YPEL2: variants seen among roughly 807,000 people sequenced by gnomAD.
The protein encoded by YPEL2 is protein yippee-like 2.
YPEL2 carries 2 observed loss-of-function variants against 19.1 expected under a neutral mutation model. The ratio of observed to expected loss-of-function variants is 0.10; its 90% CI spans 0.04 to 0.33. The LOEUF (loss-of-function observed/expected upper bound fraction) is 0.33. YPEL2 is among the 10% of genes least tolerant of loss of function. YPEL2 has a pLI of 1.00. For missense variants in YPEL2, 66 were observed against 140.7 expected (o/e 0.47, Z 2.68); for synonymous variants, 52 against 50.0 (o/e 1.04, Z -0.17).
Position 59,397,317 on chromosome 17 carries a change from C to T in YPEL2, c.*127C>T. On this transcript the variant is annotated 3_prime_UTR_variant, in exon 5 of 5. Coordinates refer to ENST00000312655, the MANE Select transcript of YPEL2 (RefSeq NM_001005404.4). ...GGGGCCTTGCCATCCGGGGCATCCT[C>T]CCACCCTGACGCCATCTTTCTGGTG... 1.7e-6 allele frequency: 1 copy of T among 574,018 alleles called. No individual in the cohort carries two copies. Among genetic ancestry groups the T allele is most frequent in the South Asian group, 3.5e-5 (1 of 28,692 alleles). The allele number at this position is 574,018 out of a possible 1,614,324, so 35.6% of individuals were successfully genotyped here. A position where few individuals can be genotyped will look rare whatever the true frequency, so the allele number is the denominator to read the frequency against.
At position 59,363,176 on chromosome 17, in the gene YPEL2, A is replaced by T. The variant is rs892229063; in HGVS notation, c.117+9650A>T. The T allele has an allele frequency of 2.0e-5, 3 of 152,116 alleles. No individual in the cohort carries two copies. In the East Asian group the frequency reaches 5.8e-4, roughly 29 times the overall value. 9.4% of individuals were successfully genotyped at this position (152,116 alleles called of 1,614,324 possible). A position where few individuals can be genotyped will look rare whatever the true frequency, so the allele number is the denominator to read the frequency against. On this transcript the variant is annotated intron_variant, in intron 2 of 4. Transcript: ENST00000312655. Reference sequence around the variant, plus strand: ...GATATATATATAGAGAGAGAGAGAGACAGGGTCTCGCTATGTTGCCTAGAC... The same window carrying T: ...GATATATATATAGAGAGAGAGAGAGTCAGGGTCTCGCTATGTTGCCTAGAC...
chr17:59,394,844 C>T (rs1306211060), intron 4 of YPEL2, among the ~76,000 whole-genome samples: 11 of 152,230 alleles, frequency 7.2e-5, no homozygotes, highest in East Asian at 1.9e-4. Context: ...CCCGGCACCT[C>T]GGGAGGCTGA....
rs148097421 is a variant in YPEL2, at chr17:59,392,699, A to G, written c.270+3231A>G. On this transcript the variant is annotated intron_variant, in intron 4 of 4. Coordinates refer to ENST00000312655, the MANE Select transcript of YPEL2 (RefSeq NM_001005404.4). ...CTAATTTTTTTTCTATTTTTAGTAG[A>G]GACGGGGTTTCACCATGTTGGTCAG... Among the ~76,000 whole-genome samples, 308 of 151,998 alleles carry G rather than the reference A, an allele frequency of 2.0e-3. 3 individuals are homozygous for G. The highest frequency in any genetic ancestry group is 7.2e-3 in the African/African-American group (297 of 41,478).
chr17:59,350,895 C>T (rs1328227536), intron 1 of YPEL2, among the ~76,000 whole-genome samples: 4 of 152,124 alleles, frequency 2.6e-5, no homozygotes, highest in Non-Finnish European at 2.9e-5. Context: ...TTGTGTAAGA[C>T]GGATGGGTCT....
intron 2 of YPEL2, chr17:59,354,250 A>G (rs920594321): frequency 2.0e-5 from 3 of 152,304 alleles, no homozygotes; most frequent in African/African-American, 7.2e-5. Flanking sequence ...TCCTGGCCCT[A>G]GATTCCCAGG....
In YPEL2 at chr17:59,334,965, G is replaced by A. The variant is rs187377950; in HGVS notation, c.-196+3141G>A. On this transcript the variant is annotated intron_variant, in intron 1 of 4. Coordinates refer to ENST00000312655, the MANE Select transcript of YPEL2 (RefSeq NM_001005404.4). ...TTGAAGTGAGATTCAGATGGAGGAT[G>A]TGATCAATTCCCATTGTAAATTACC... 3.9e-5 allele frequency among the ~76,000 whole-genome samples: 6 copies of A among 152,284 alleles called. No individual in the cohort carries two copies. The East Asian group carries it at 1.2e-3, about 29-fold the overall frequency.
chr17:59,386,162 A>AT (rs11287938), intron 2 of YPEL2, among the ~76,000 whole-genome samples: 2,682 of 148,800 alleles, frequency 0.018, 50 homozygotes, highest in Non-Finnish European at 0.027. Context: ...GTCTCTATAA[A>AT]TTTTTTTTTT....
intron 2 of YPEL2, among the ~76,000 whole-genome samples, chr17:59,374,821 C>T (rs796508387): frequency 1.3e-5 from 2 of 152,180 alleles, no homozygotes; most frequent in African/African-American, 4.8e-5. Context: ...GAGTACGTGG[C>T]AGAGGAAGTG....
intron 4 of YPEL2, among the ~76,000 whole-genome samples, chr17:59,392,747 C>T (rs1054713681): frequency 2.9e-4 from 44 of 152,010 alleles, no homozygotes; most frequent in African/African-American, 8.0e-4. Flanking sequence ...CTCCTCACCT[C>T]GTGATCTGCC....
At chr17:59,393,477 T>TA (rs1446171215) in intron 4 of YPEL2, among the ~76,000 whole-genome samples, 3 of 150,380 alleles carry the variant, frequency 2.0e-5, no homozygotes, top group East Asian at 3.9e-4. Flanking sequence ...TCTTTTTTTT[T>TA]ATTTTTATTT....
chr17:59,372,732 A>C (rs777295302), intron 2 of YPEL2, among the ~76,000 whole-genome samples: 2 of 152,230 alleles, frequency 1.3e-5, no homozygotes, highest in African/African-American at 2.4e-5. Flanking sequence ...GGAGCCTTGT[A>C]AGATGTGTGT....
At position 59,386,159 on chromosome 17, in the gene YPEL2, TA is replaced by T. The variant is rs757394981; in HGVS notation, c.118-2165del. ...GCAACATGGCAAGACCCTGTCTCTATAAATTTTTTTTTTTTTAAATAGCTGG... is the reference window on the plus strand; with the variant it reads ...GCAACATGGCAAGACCCTGTCTCTATAATTTTTTTTTTTTTAAATAGCTGG... On this transcript the variant is annotated intron_variant, in intron 2 of 4. Transcript: ENST00000312655. Among the ~76,000 whole-genome samples, 558 of 95,458 alleles carry T rather than the reference TA, an allele frequency of 5.8e-3. 1 individual carries two copies. Among genetic ancestry groups the T allele is most frequent in the Non-Finnish European group, 8.7e-3 (416 of 48,086 alleles). 62.6% of individuals were successfully genotyped at this position (95,458 alleles called of 152,430 possible). A position where few individuals can be genotyped will look rare whatever the true frequency, so the allele number is the denominator to read the frequency against.
At chr17:59,350,554 G>A (rs1302030266) in intron 1 of YPEL2, among the ~76,000 whole-genome samples, 2 of 152,122 alleles carry the variant, frequency 1.3e-5, no homozygotes, top group South Asian at 2.1e-4. Flanking sequence ...GTCTTTTTAG[G>A]TTCAGAGCTG....
chr17:59,385,348 T>C (rs1442154759), intron 2 of YPEL2, among the ~76,000 whole-genome samples: 1 of 152,042 alleles, frequency 6.6e-6, no homozygotes, highest in African/African-American at 2.4e-5. Flanking sequence ...GGCAGGCCGA[T>C]TGGGTGGATT....
chr17:59,346,612 G>A (rs1033737194), intron 1 of YPEL2, among the ~76,000 whole-genome samples: 2 of 152,188 alleles, frequency 1.3e-5, no homozygotes, highest in African/African-American at 4.8e-5. Flanking sequence ...AGCAGAGGAG[G>A]TTCAGTTCAG....
intron 1 of YPEL2, among the ~76,000 whole-genome samples, chr17:59,334,334 C>T (rs2047687498): frequency 6.8e-6 from 1 of 146,662 alleles, no homozygotes; most frequent in East Asian, 2.0e-4. Context: ...GTTTAGTATC[C>T]GTGTATTCCA....
chr17:59,348,900 A>G (rs1242335916), intron 1 of YPEL2, among the ~76,000 whole-genome samples: 1 of 152,092 alleles, frequency 6.6e-6, no homozygotes, highest in East Asian at 1.9e-4. Flanking sequence ...AAAAAAATCA[A>G]TTTTGGCTGG....
intron 4 of YPEL2, among the ~76,000 whole-genome samples, chr17:59,392,029 G>A (rs568483146): frequency 6.6e-6 from 1 of 152,248 alleles, no homozygotes; most frequent in East Asian, 1.9e-4. Context: ...TATTCCCTCT[G>A]TACAGTCACG....
chr17:59,393,463 A>G (rs1237637629), intron 4 of YPEL2, among the ~76,000 whole-genome samples: 3 of 138,286 alleles, frequency 2.2e-5, no homozygotes, highest in Admixed American at 7.0e-5. Context: ...TAGGAAACTC[A>G]TTTTCTTTTT....
Sources: allele counts gnomAD v4.1 joint callset (sites outside exome capture counted in the v4.1 genomes callset), GRCh38; gene constraint gnomAD v4.1.1; transcripts MANE v1.5; gene names NCBI Gene and HGNC (gene_info 2026-07-23, HGNC 2026-07-21).